The following SNTG1 variants were observed in gnomAD, a reference collection of about 807,000 sequenced individuals.
SNTG1 encodes the protein gamma-1-syntrophin.
A neutral mutation model predicts 74.7 loss-of-function variants in SNTG1; 39 were observed. The ratio of observed to expected loss-of-function variants is 0.52; its 90% confidence interval spans 0.40 to 0.68. SNTG1 has a LOEUF of 0.68. Among genes scored for constraint, SNTG1 ranks in the 30% least tolerant of loss-of-function variants. SNTG1 has a pLI of 0.00. For synonymous variants in SNTG1, 254 were observed against 217.1 expected, an observed-to-expected ratio of 1.17 and a Z score of -1.49; for missense variants, 685 against 609.5, an observed-to-expected ratio of 1.12 and a Z score of -1.30.
At chr8:50,210,441 T>G (rs1311926966) in intron 2 of SNTG1, among the ~76,000 whole-genome samples, 2 of 152,076 alleles carry the variant, frequency 1.3e-5, no homozygotes, top group African/African-American at 2.4e-5. Context: ...TTCACCAAAG[T>G]TGAAATGACG....
At chr8:50,048,136 C>T (rs969397236) in intron 1 of SNTG1, among the ~76,000 whole-genome samples, 1 of 151,956 alleles carries the variant, frequency 6.6e-6, no homozygotes, top group African/African-American at 2.4e-5. Context: ...ATTTATTTAT[C>T]AGATTAAATA....
chr8:50,174,300 G>C (rs751730714), intron 2 of SNTG1, among the ~76,000 whole-genome samples: 2 of 152,128 alleles, frequency 1.3e-5, no homozygotes, highest in Non-Finnish European at 2.9e-5. Flanking sequence ...GTAGACATAC[G>C]TGGGCATGTG....
At chr8:50,516,344 A>G (rs1012461906) in intron 9 of SNTG1, among the ~76,000 whole-genome samples, 1 of 152,240 alleles carries the variant, frequency 6.6e-6, no homozygotes, top group Non-Finnish European at 1.5e-5. Context: ...AGGAAAAACC[A>G]GCACACAAAG....
chr8:50,215,877 G>A (rs975486509), intron 2 of SNTG1, among the ~76,000 whole-genome samples: 4 of 152,138 alleles, frequency 2.6e-5, no homozygotes, highest in African/African-American at 9.7e-5. Flanking sequence ...CTTCTTATGA[G>A]TAATATGCAG....
chr8:50,350,624 A>C (rs1226787344), intron 2 of SNTG1, among the ~76,000 whole-genome samples: 1 of 150,948 alleles, frequency 6.6e-6, no homozygotes, highest in Non-Finnish European at 1.5e-5. Flanking sequence ...TATCTAGCTC[A>C]AGGTTTGTAA....
chr8:50,295,460 T>C (rs927057244), intron 2 of SNTG1, among the ~76,000 whole-genome samples: 17 of 152,270 alleles, frequency 1.1e-4, no homozygotes, highest in African/African-American at 4.1e-4. Context: ...TTCTTTGAAA[T>C]ACGATTTTTT....
intron 2 of SNTG1, among the ~76,000 whole-genome samples, chr8:50,254,016 T>C (rs2086766054): frequency 6.6e-6 from 1 of 152,136 alleles, no homozygotes; most frequent in African/African-American, 2.4e-5. Context: ...AGTAAGGTAT[T>C]ATATATTGGA....
intron 8 of SNTG1, among the ~76,000 whole-genome samples, chr8:50,485,761 A>C (rs1490561659): frequency 2.3e-4 from 34 of 145,298 alleles, no homozygotes; most frequent in South Asian, 4.4e-4. Flanking sequence ...TATGTCCTGA[A>C]TGGTAATGCC....
At chr8:50,606,840 C>A (rs1331225722) in intron 13 of SNTG1, among the ~76,000 whole-genome samples, 2 of 149,716 alleles carry the variant, frequency 1.3e-5, no homozygotes, top group Non-Finnish European at 3.0e-5. Context: ...GTGCCTTATG[C>A]CTTTTTTTTA....
chr8:50,372,406 T>C (rs1294959732), intron 2 of SNTG1, among the ~76,000 whole-genome samples: 1 of 152,076 alleles, frequency 6.6e-6, no homozygotes, highest in Non-Finnish European at 1.5e-5. Flanking sequence ...TCCTGTTTCT[T>C]GTCCCCATGT....
chr8:50,265,809 T>C (rs952213269), intron 2 of SNTG1, among the ~76,000 whole-genome samples: 14 of 152,000 alleles, frequency 9.2e-5, no homozygotes, highest in African/African-American at 3.1e-4. Context: ...GAAAAACCTT[T>C]AAATGAAATA....
intron 2 of SNTG1, among the ~76,000 whole-genome samples, chr8:50,258,513 T>C (rs990018321): frequency 2.6e-5 from 4 of 152,058 alleles, no homozygotes; most frequent in African/African-American, 9.7e-5. Flanking sequence ...TATTCAAACA[T>C]TTAAAAAATT....
chr8:50,708,096 G>T (rs1344901480), intron 16 of SNTG1: 3 of 238,068 alleles, frequency 1.3e-5, no homozygotes, highest in Non-Finnish European at 2.4e-5. Flanking sequence ...AGTTACTCAG[G>T]AGACCGAGGG....
At chr8:50,728,295 G>A (rs2095504954) in intron 17 of SNTG1, among the ~76,000 whole-genome samples, 1 of 152,088 alleles carries the variant, frequency 6.6e-6, no homozygotes, top group Non-Finnish European at 1.5e-5. Context: ...AAACTCTGAG[G>A]GTGATGCAGC....
chr8:50,783,267 G>C (rs1585787696), intron 18 of SNTG1, among the ~76,000 whole-genome samples: 1 of 152,210 alleles, frequency 6.6e-6, no homozygotes, highest in African/African-American at 2.4e-5. Context: ...GGTTACTGCT[G>C]TCTTTTTGTT....
intron 1 of SNTG1, among the ~76,000 whole-genome samples, chr8:50,016,414 G>A (rs1449122755): frequency 6.6e-6 from 1 of 152,096 alleles, no homozygotes; most frequent in Non-Finnish European, 1.5e-5. Context: ...ACCATAGAGT[G>A]GTCAACGTTG....
In SNTG1 at chr8:50,489,568, G is replaced by A. The variant is rs190883465; in HGVS notation, c.364-13210G>A. Among the ~76,000 whole-genome samples, 232 of 152,300 alleles carry A rather than the reference G, an allele frequency of 1.5e-3. 2 individuals carry two copies. Among genetic ancestry groups the A allele is most frequent in the Middle Eastern group, 0.01 (3 of 294 alleles). ...TCATATGTTTGTTGGCTGCATAAAT[G>A]TCTTCTTTTGAGAAGTGTCTGTTCA... is the stretch of plus-strand genomic sequence containing the variant. On this transcript the variant is annotated intron_variant, in intron 8 of 18. Coordinates refer to ENST00000642720, the MANE Select transcript of SNTG1 (RefSeq NM_018967.5).
chr8:50,173,882 A>C (rs1168679807), intron 2 of SNTG1, among the ~76,000 whole-genome samples: 2 of 152,354 alleles, frequency 1.3e-5, no homozygotes, highest in East Asian at 3.9e-4. Flanking sequence ...CAGGTTTGTT[A>C]CATAGGTATA....
intron 1 of SNTG1, among the ~76,000 whole-genome samples, chr8:50,037,940 A>G (rs988126886): frequency 6.6e-6 from 1 of 152,204 alleles, no homozygotes; most frequent in African/African-American, 2.4e-5. Flanking sequence ...TTCCTCTGAC[A>G]CTGAAATCCC....
Sources: allele counts gnomAD v4.1 joint callset (sites outside exome capture counted in the v4.1 genomes callset), GRCh38; gene constraint gnomAD v4.1.1; transcripts MANE v1.5; gene names NCBI Gene and HGNC (gene_info 2026-07-23, HGNC 2026-07-21).